The following THSD4 variants were observed in gnomAD, a reference collection of about 807,000 sequenced individuals.
THSD4 encodes thrombospondin type-1 domain-containing protein 4.
THSD4 carries 69 observed loss-of-function variants against 119.0 expected under a neutral mutation model. The observed-to-expected ratio is 0.58, with a 90% CI of 0.48 to 0.71. The LOEUF is 0.71. THSD4 is among the 30% of genes least tolerant of loss of function. The pLI is 0.00. For missense variants in THSD4, 1,393 were observed against 1,391.1 expected, an observed-to-expected ratio of 1.00 and a Z score of -0.02; for synonymous variants, 524 against 540.4, an observed-to-expected ratio of 0.97 and a Z score of 0.42.
At chr15:71,548,554 A>G (rs560261155) in intron 7 of THSD4, among the ~76,000 whole-genome samples, 2 of 152,316 alleles carry the variant, frequency 1.3e-5, no homozygotes, top group South Asian at 4.1e-4. Flanking sequence ...CAGCTCAGAG[A>G]CATGCAGCAA....
At chr15:71,594,937 A>AAGGTG (rs2049880479) in intron 7 of THSD4, among the ~76,000 whole-genome samples, 1 of 151,162 alleles carries the variant, frequency 6.6e-6, no homozygotes, top group African/African-American at 2.4e-5. Context: ...AAGAGGTGAC[A>AAGGTG]TCTGAGCTAG....
chr15:71,256,198 G>A (rs369499999), intron 5 of THSD4, among the ~76,000 whole-genome samples: 1 of 152,174 alleles, frequency 6.6e-6, no homozygotes, highest in African/African-American at 2.4e-5. Flanking sequence ...AAAGGGGCCC[G>A]GCGCGGTGGC....
At chr15:71,677,950 C>T (rs929423004) in intron 8 of THSD4, among the ~76,000 whole-genome samples, 2 of 152,146 alleles carry the variant, frequency 1.3e-5, no homozygotes, top group Admixed American at 6.5e-5. Flanking sequence ...GATTTGACAC[C>T]GCTATCCTTG....
chr15:71,741,961 G>A (rs556698815), intron 11 of THSD4, among the ~76,000 whole-genome samples: 1 of 152,346 alleles, frequency 6.6e-6, no homozygotes, highest in African/African-American at 2.4e-5. Flanking sequence ...GTCCCAGGCG[G>A]TGATGGCACC....
At chr15:71,389,810 G>GGTTTTTTTTTTTTTTTTT (rs1555408976) in intron 6 of THSD4, among the ~76,000 whole-genome samples, 1 of 87,998 alleles carries the variant, frequency 1.1e-5, no homozygotes, top group African/African-American at 4.3e-5. Flanking sequence ...TTTCTGGGTT[G>GGTTTTTTTTTTTTTTTTT]TTTTTTTTTT....
At chr15:71,480,706 TA>T (rs2047717540) in intron 7 of THSD4, among the ~76,000 whole-genome samples, 1 of 152,182 alleles carries the variant, frequency 6.6e-6, no homozygotes, top group South Asian at 2.1e-4. Flanking sequence ...CCCAATCACA[TA>T]AATGTTTTTC....
intron 7 of THSD4, among the ~76,000 whole-genome samples, chr15:71,515,559 A>G (rs1409700284): frequency 2.6e-5 from 4 of 152,280 alleles, no homozygotes; most frequent in East Asian, 1.9e-4. Context: ...GGGGGGCTCA[A>G]TCTCTACATT....
intron 7 of THSD4, among the ~76,000 whole-genome samples, chr15:71,644,675 T>G (rs1382505520): frequency 6.6e-6 from 1 of 152,202 alleles, no homozygotes; most frequent in Non-Finnish European, 1.5e-5. Context: ...AAGATGGATA[T>G]CTTCATCTAT....
intron 8 of THSD4, among the ~76,000 whole-genome samples, chr15:71,671,106 G>A (rs947688234): frequency 7.2e-5 from 11 of 152,210 alleles, no homozygotes; most frequent in Non-Finnish European, 4.4e-5. Context: ...CACCAACAGT[G>A]TAAAAGTGTT....
intron 4 of THSD4, among the ~76,000 whole-genome samples, chr15:71,236,522 C>T (rs1363324819): frequency 6.6e-6 from 1 of 152,106 alleles, no homozygotes; most frequent in Non-Finnish European, 1.5e-5. Context: ...GTCCTCAGGG[C>T]CATAATAGTT....
At chr15:71,156,203 G>A (rs1185656901) in intron 3 of THSD4, among the ~76,000 whole-genome samples, 2 of 151,904 alleles carry the variant, frequency 1.3e-5, no homozygotes, top group East Asian at 3.9e-4. Flanking sequence ...GAAGAGATCA[G>A]TTATTTGTAT....
chr15:71,542,876 CAAAAAAAA>C (rs59058386), intron 7 of THSD4, among the ~76,000 whole-genome samples: 1 of 137,802 alleles, frequency 7.3e-6, no homozygotes, highest in Non-Finnish European at 1.6e-5. Flanking sequence ...GACTCTGTCT[CAAAAAAAA>C]AAACAAAAAA....
At chr15:71,152,286 G>T (rs950010746) in intron 2 of THSD4, among the ~76,000 whole-genome samples, 4 of 152,140 alleles carry the variant, frequency 2.6e-5, no homozygotes, top group African/African-American at 9.6e-5. Context: ...AGCCAGGCAT[G>T]GTAGTGCTGC....
At chr15:71,210,903 T>C (rs1002357260) in intron 3 of THSD4, among the ~76,000 whole-genome samples, 3 of 152,208 alleles carry the variant, frequency 2.0e-5, no homozygotes, top group African/African-American at 7.2e-5. Flanking sequence ...TTCCTTTTTT[T>C]ACTGTTGTTC....
chr15:71,547,123 C>T (rs1002560475), intron 7 of THSD4: 9 of 979,500 alleles, frequency 9.2e-6, no homozygotes, highest in Admixed American at 4.4e-5. Context: ...ATTTCTGTCC[C>T]TCCCCTTTCT....
At chr15:71,751,587 T>C (rs2053449428) in intron 14 of THSD4, among the ~76,000 whole-genome samples, 2 of 152,162 alleles carry the variant, frequency 1.3e-5, no homozygotes, top group Non-Finnish European at 2.9e-5. Context: ...ATTTTTATTA[T>C]AATAAGCTAT....
At chr15:71,324,189 TC>T (rs996759095) in intron 6 of THSD4, among the ~76,000 whole-genome samples, 2 of 151,950 alleles carry the variant, frequency 1.3e-5, no homozygotes, top group African/African-American at 4.8e-5. Flanking sequence ...TTTTTTGTGT[TC>T]TTTTTTTTTT....
At chr15:71,217,060 G>A (rs995738404) in intron 4 of THSD4, among the ~76,000 whole-genome samples, 1 of 152,166 alleles carries the variant, frequency 6.6e-6, no homozygotes, top group African/African-American at 2.4e-5. Flanking sequence ...GTCTCCCAAA[G>A]TGCTGGGATT....
In THSD4 at chr15:71,490,411, T is replaced by C. The variant is rs541871721; in HGVS notation, c.1152+78588T>C. ...CCGTCTCTACTAAAAATACGAAAAA[T>C]TAGCCAGGCCTGGTGGCGGGTGCCT... On this transcript the variant is annotated intron_variant, in intron 7 of 17. Transcript: ENST00000261862. Among the ~76,000 whole-genome samples, 111 of 152,072 alleles carry C rather than the reference T, an allele frequency of 7.3e-4. No homozygotes were observed. The South Asian group carries it at 7.7e-3, about 11-fold the overall frequency.
Sources: allele counts gnomAD v4.1 joint callset (sites outside exome capture counted in the v4.1 genomes callset), GRCh38; gene constraint gnomAD v4.1.1; transcripts MANE v1.5; gene names NCBI Gene and HGNC (gene_info 2026-07-23, HGNC 2026-07-21).